SH3GL2: variants seen among roughly 807,000 people sequenced by gnomAD.
SH3GL2 encodes the protein SH3 domain containing GRB2 like 2, endophilin A1.
In SH3GL2, 24 loss-of-function variants were observed where a neutral mutation model predicts 46.0. The ratio of observed to expected loss-of-function variants is 0.52; its 90% confidence interval spans 0.38 to 0.73. SH3GL2 has a LOEUF of 0.73. SH3GL2 is among the 30% of genes least tolerant of loss of function. The pLI, the probability that SH3GL2 is intolerant of heterozygous loss-of-function variation, is 0.00. For missense variants in SH3GL2, 413 were observed against 424.2 expected, an observed-to-expected ratio of 0.97 and a Z score of 0.23; for synonymous variants, 196 against 147.1, an observed-to-expected ratio of 1.33 and a Z score of -2.40.
At chr9:17,613,660 A>C (rs1242927673) in intron 1 of SH3GL2, among the ~76,000 whole-genome samples, 1 of 152,096 alleles carries the variant, frequency 6.6e-6, no homozygotes, top group Non-Finnish European at 1.5e-5. Flanking sequence ...TTTGGAGAAA[A>C]TCTTGGTTTG....
At position 17,641,018 on chromosome 9, in the gene SH3GL2, G is replaced by A. The variant is rs549163378; in HGVS notation, c.45+61731G>A. 2.0e-5 allele frequency among the ~76,000 whole-genome samples: 3 copies of A among 152,250 alleles called. 1 individual carries two copies. In the South Asian group the frequency reaches 6.2e-4, roughly 32 times the overall value. On this transcript the variant is annotated intron_variant, in intron 1 of 8. Transcript: ENST00000380607. Reference sequence around the variant, plus strand: ...AAACTCTGAATTTAGGTATGTAATTGTAGAATCCCTTTGATTATAAGCAAG... The same window carrying A: ...AAACTCTGAATTTAGGTATGTAATTATAGAATCCCTTTGATTATAAGCAAG...
intron 3 of SH3GL2, among the ~76,000 whole-genome samples, chr9:17,785,433 C>T (rs1823929090): frequency 6.6e-6 from 1 of 152,152 alleles, no homozygotes; most frequent in Non-Finnish European, 1.5e-5. Context: ...CTCTAAGACT[C>T]AAAGTTTAAA....
chr9:17,753,961 T>C (rs1368038250), intron 2 of SH3GL2, among the ~76,000 whole-genome samples: 4 of 152,210 alleles, frequency 2.6e-5, no homozygotes, highest in Non-Finnish European at 5.9e-5. Flanking sequence ...TTGATTTTTG[T>C]CAGATTTGTC....
intron 1 of SH3GL2, among the ~76,000 whole-genome samples, chr9:17,637,923 G>C (rs956716225): frequency 6.6e-6 from 1 of 152,140 alleles, no homozygotes; most frequent in Non-Finnish European, 1.5e-5. Flanking sequence ...TTGGGAGGCC[G>C]AGGCGGGCGG....
Position 17,612,081 on chromosome 9 carries a change from G to A in SH3GL2, c.45+32794G>A, listed in dbSNP as rs143027575. Among the ~76,000 whole-genome samples, 46 of 152,304 alleles carry A rather than the reference G, an allele frequency of 3.0e-4. 1 individual carries two copies. The highest frequency in any genetic ancestry group is 1.1e-3 in the Admixed American group (17 of 15,288). ...GTGCCTGGGGGAAGGTTGCCTAGCA[G>A]CAGAGCTGGCATAGAAGGCAAGCCC... On this transcript the variant is annotated intron_variant, in intron 1 of 8. Transcript: ENST00000380607.
At chr9:17,621,656 G>A (rs1819140835) in intron 1 of SH3GL2, among the ~76,000 whole-genome samples, 1 of 152,148 alleles carries the variant, frequency 6.6e-6, no homozygotes, top group African/African-American at 2.4e-5. Context: ...AAGTTTTTGT[G>A]CCAAAGCCTG....
At chr9:17,781,615 G>C (rs1823812698) in intron 3 of SH3GL2, among the ~76,000 whole-genome samples, 1 of 152,088 alleles carries the variant, frequency 6.6e-6, no homozygotes, top group Admixed American at 6.6e-5. Context: ...TGTCTATTCA[G>C]CTTTAGTAAA....
At chr9:17,672,403 T>A (rs548996372) in intron 1 of SH3GL2, among the ~76,000 whole-genome samples, 1 of 152,276 alleles carries the variant, frequency 6.6e-6, no homozygotes, top group African/African-American at 2.4e-5. Context: ...CCAAGGTCCT[T>A]GACCTGAGCT....
At chr9:17,748,700 T>A (rs944674021) in intron 2 of SH3GL2, among the ~76,000 whole-genome samples, 2 of 152,216 alleles carry the variant, frequency 1.3e-5, no homozygotes, top group African/African-American at 4.8e-5. Context: ...GGTTCCTGAG[T>A]GCATGAAGTT....
At chr9:17,621,049 T>TG (rs1317678404) in intron 1 of SH3GL2, among the ~76,000 whole-genome samples, 1 of 152,192 alleles carries the variant, frequency 6.6e-6, no homozygotes, top group African/African-American at 2.4e-5. Context: ...TTCAGTTGAT[T>TG]GCTGTGGTTT....
intron 1 of SH3GL2, among the ~76,000 whole-genome samples, chr9:17,707,839 C>G (rs1370755429): frequency 6.6e-6 from 1 of 152,050 alleles, no homozygotes; most frequent in Admixed American, 6.6e-5. Flanking sequence ...TGTCCTAACA[C>G]AGACAAGTGA....
intron 1 of SH3GL2, among the ~76,000 whole-genome samples, chr9:17,612,409 G>GAATCTCAGACCC (rs1461315586): frequency 5.0e-4 from 76 of 152,300 alleles, no homozygotes; most frequent in African/African-American, 1.5e-3. Flanking sequence ...TTGAACTGCT[G>GAATCTCAGACCC]AATCTCAGAC....
intron 1 of SH3GL2, among the ~76,000 whole-genome samples, chr9:17,586,343 C>A (rs1818377393): frequency 6.6e-6 from 1 of 152,076 alleles, no homozygotes; most frequent in Admixed American, 6.6e-5. Context: ...CACTGAAGGA[C>A]CTCTAGGCAG....
chr9:17,596,365 G>C (rs1239590232), intron 1 of SH3GL2, among the ~76,000 whole-genome samples: 1 of 151,770 alleles, frequency 6.6e-6, no homozygotes, highest in Non-Finnish European at 1.5e-5. Context: ...AGTTCCCTAA[G>C]TCTTATCCCT....
chr9:17,584,269 G>A (rs1430900990), intron 1 of SH3GL2, among the ~76,000 whole-genome samples: 1 of 152,148 alleles, frequency 6.6e-6, no homozygotes, highest in Non-Finnish European at 1.5e-5. Context: ...GGGAGGCCAA[G>A]GCGGGCGGAT....
At chr9:17,642,814 G>T (rs1419008349) in intron 1 of SH3GL2, among the ~76,000 whole-genome samples, 1 of 152,124 alleles carries the variant, frequency 6.6e-6, no homozygotes, top group African/African-American at 2.4e-5. Flanking sequence ...TTTTGCTTAG[G>T]ATTGTCTTGG....
At chr9:17,631,224 C>G (rs1819414724) in intron 1 of SH3GL2, among the ~76,000 whole-genome samples, 1 of 152,184 alleles carries the variant, frequency 6.6e-6, no homozygotes, top group South Asian at 2.1e-4. Flanking sequence ...TCCAAGGCTT[C>G]AAGGAAACAT....
At chr9:17,678,452 C>A (rs1204423517) in intron 1 of SH3GL2, among the ~76,000 whole-genome samples, 5 of 152,116 alleles carry the variant, frequency 3.3e-5, no homozygotes, top group African/African-American at 1.2e-4. Context: ...AGTGTCTGTT[C>A]ATATCCTTCG....
At chr9:17,719,956 TTC>T (rs1022189955) in intron 1 of SH3GL2, among the ~76,000 whole-genome samples, 2 of 147,678 alleles carry the variant, frequency 1.4e-5, no homozygotes, top group Admixed American at 6.6e-5. Context: ...TTCTTTTTAT[TTC>T]TGTTTACTAA....
Sources: allele counts gnomAD v4.1 joint callset (sites outside exome capture counted in the v4.1 genomes callset), GRCh38; gene constraint gnomAD v4.1.1; transcripts MANE v1.5; gene names NCBI Gene and HGNC (gene_info 2026-07-23, HGNC 2026-07-21).